TNR: variants seen among roughly 807,000 people sequenced by gnomAD.
TNR encodes tenascin R, also known as tenascin-R.
Under a neutral mutation model 150.4 loss-of-function variants are expected in TNR, and 45 were observed. The observed-to-expected ratio is 0.30, with a 90% CI of 0.24 to 0.38. The LOEUF is 0.38. TNR is among the 10% of genes least tolerant of loss of function. The pLI is 1.00. For synonymous variants in TNR, 687 were observed against 678.4 expected, an observed-to-expected ratio of 1.01 and a Z score of -0.20; for missense variants, 1,544 against 1,759.1, an observed-to-expected ratio of 0.88 and a Z score of 2.19.
At chr1:175,445,201 C>T (rs565389177) in intron 2 of TNR, among the ~76,000 whole-genome samples, 7 of 152,062 alleles carry the variant, frequency 4.6e-5, no homozygotes, top group East Asian at 1.9e-4. Context: ...ACCTGGGAGG[C>T]GGAGGTTGCA....
At chr1:175,521,947 C>T (rs1659656150) in intron 2 of TNR, among the ~76,000 whole-genome samples, 1 of 152,134 alleles carries the variant, frequency 6.6e-6, no homozygotes, top group Non-Finnish European at 1.5e-5. Flanking sequence ...ATTCTTAGCC[C>T]CTGGAGTGCA....
intron 18 of TNR, among the ~76,000 whole-genome samples, chr1:175,345,066 C>A (rs1037412105): frequency 5.5e-4 from 83 of 151,810 alleles, no homozygotes; most frequent in Admixed American, 5.4e-3. Context: ...CGAGATCAAG[C>A]CACTGCACTC....
chr1:175,428,086 T>C (rs966657727), intron 2 of TNR, among the ~76,000 whole-genome samples: 6 of 152,230 alleles, frequency 3.9e-5, no homozygotes, highest in African/African-American at 1.2e-4. Flanking sequence ...GACATTCTAC[T>C]TCTTTAAGTA....
In TNR at chr1:175,539,551, G is replaced by A. The variant is rs530654970; in HGVS notation, c.-164-11182C>T. On this transcript the variant is annotated intron_variant, in intron 1 of 22. Transcript: ENST00000367674. ...AAAAACAGTTGCACTGAGACCTGCTGGCTCTGGAAGGTCTCATGACCTAGG... is the reference window on the plus strand; with the variant it reads ...AAAAACAGTTGCACTGAGACCTGCTAGCTCTGGAAGGTCTCATGACCTAGG... Among the ~76,000 whole-genome samples, 38 of 152,318 alleles carry A rather than the reference G, an allele frequency of 2.5e-4. 1 individual carries two copies. The South Asian group carries it at 7.7e-3, about 31-fold the overall frequency.
rs375494839 is a variant in TNR at position 175,406,353 on chromosome 1, G to C, written c.362C>G (p.Pro121Arg). 2 of 1,614,122 alleles carry C rather than the reference G, an allele frequency of 1.2e-6. No individual in the cohort carries two copies. The highest frequency in any genetic ancestry group is 2.2e-5 in the South Asian group (2 of 91,070). ...QVTFTHRINF[P>R]KKACPCASSA... ...ACTGGCACATGGACAGGCCTTTTTG[G>C]GGAAGTTGATCCTGTGTGTAAAGGT... Residue 121 changes from proline to arginine, a missense_variant, in exon 3 of 23, where the codon CCC becomes CGC. Physicochemically the swap from Pro to Arg is moderately radical, Grantham distance 103. This residue lies in a region of TNR where 1,254 missense variants were observed against 1,329.4 expected (regional missense o/e 0.94). Transcript: ENST00000367674.
At chr1:175,456,307 T>G (rs544967887) in intron 2 of TNR, among the ~76,000 whole-genome samples, 1 of 152,368 alleles carries the variant, frequency 6.6e-6, no homozygotes, top group South Asian at 2.1e-4. Flanking sequence ...TAAAGCGGAC[T>G]CTTCCCATAG....
intron 1 of TNR, among the ~76,000 whole-genome samples, chr1:175,686,248 C>T (rs891821921): frequency 2.6e-5 from 4 of 152,208 alleles, no homozygotes; most frequent in Admixed American, 6.5e-5. Flanking sequence ...AGTTCATTTC[C>T]TGATAAAACT....
At chr1:175,569,276 A>G (rs1661767730) in intron 1 of TNR, among the ~76,000 whole-genome samples, 1 of 152,190 alleles carries the variant, frequency 6.6e-6, no homozygotes, top group African/African-American at 2.4e-5. Context: ...GCGCTTCAAG[A>G]GTGCTCTCCA....
intron 21 of TNR, among the ~76,000 whole-genome samples, chr1:175,327,446 C>T (rs987632727): frequency 9.9e-5 from 15 of 152,220 alleles, no homozygotes; most frequent in Non-Finnish European, 1.5e-4. Context: ...CTATGTTCTT[C>T]GCTCGGACTT....
chr1:175,396,718 C>T lies in TNR; in HGVS notation c.1066G>A (p.Val356Met), dbSNP rs1653445216. ...WDGPMAVTEY[V>M]ISYQPTALGG... Reference sequence around the variant, plus strand: ...AGGGCCGTCGGCTGGTAAGAGATCACATATTCCGTCACTGCCATCGGCCCG... The same window carrying T: ...AGGGCCGTCGGCTGGTAAGAGATCATATATTCCGTCACTGCCATCGGCCCG... Residue 356 changes from valine to methionine, a missense_variant, in exon 5 of 23, where the codon GTG becomes ATG. Transcript: ENST00000367674. 1 of 1,614,244 alleles carries T rather than the reference C, an allele frequency of 6.2e-7. No homozygotes were observed. The highest frequency in any genetic ancestry group is 8.5e-7 in the Non-Finnish European group (1 of 1,180,044).
At chr1:175,644,358 T>G (rs1246854571) in intron 1 of TNR, among the ~76,000 whole-genome samples, 1 of 152,206 alleles carries the variant, frequency 6.6e-6, no homozygotes, top group African/African-American at 2.4e-5. Context: ...TTCTCTATCC[T>G]TGATGTGAGC....
intron 20 of TNR, among the ~76,000 whole-genome samples, chr1:175,331,087 T>TTCTC (rs1649841467): frequency 7.0e-5 from 8 of 113,498 alleles, no homozygotes; most frequent in African/African-American, 2.3e-4. Flanking sequence ...CCTTCTTTCT[T>TTCTC]TCTTTCTTTC....
intron 1 of TNR, among the ~76,000 whole-genome samples, chr1:175,646,889 T>C (rs1328897087): frequency 6.6e-6 from 1 of 152,240 alleles, no homozygotes; most frequent in East Asian, 1.9e-4. Flanking sequence ...AATACTCACA[T>C]TTTGGGATCC....
At chr1:175,653,898 T>A (rs2861316) in intron 1 of TNR, among the ~76,000 whole-genome samples, 88,578 of 152,086 alleles carry the variant, frequency 0.58, 26,283 homozygotes, top group East Asian at 0.73. Context: ...AATTATATAC[T>A]ATTTCCAAGC....
At chr1:175,567,059 T>C (rs1321188998) in intron 1 of TNR, among the ~76,000 whole-genome samples, 1 of 152,186 alleles carries the variant, frequency 6.6e-6, no homozygotes, top group Non-Finnish European at 1.5e-5. Context: ...AGTTGCATTT[T>C]TAAAAATGAT....
Position 175,396,819 on chromosome 1 carries a change from C to T in TNR, c.977-12G>A. ...CTCTGGAGGGGCAACTACCGGGAGG[C>T]AATACACAGATAGCATGAGCTCAGA... On this transcript the variant is annotated splice_polypyrimidine_tract_variant and intron_variant, in intron 4 of 22. Coordinates refer to ENST00000367674, the MANE Select transcript of TNR (RefSeq NM_003285.3). 1 of 1,608,998 alleles carries T rather than the reference C, an allele frequency of 6.2e-7. No individual in the cohort carries two copies. The highest frequency in any genetic ancestry group is 8.5e-7 in the Non-Finnish European group (1 of 1,176,208).
At chr1:175,710,657 C>G (rs1033113552) in intron 1 of TNR, among the ~76,000 whole-genome samples, 14 of 152,110 alleles carry the variant, frequency 9.2e-5, no homozygotes, top group African/African-American at 2.9e-4. Flanking sequence ...TCAATCTGTC[C>G]CCCTTTCCTT....
chr1:175,545,171 GC>G (rs1660637715), intron 1 of TNR, among the ~76,000 whole-genome samples: 1 of 152,180 alleles, frequency 6.6e-6, no homozygotes, highest in South Asian at 2.1e-4. Context: ...AAAGAATAAT[GC>G]CTCAGAAAAG....
chr1:175,576,897 T>C (rs1427134636), intron 1 of TNR, among the ~76,000 whole-genome samples: 1 of 152,190 alleles, frequency 6.6e-6, no homozygotes, highest in Non-Finnish European at 1.5e-5. Flanking sequence ...ATTTCTCTAC[T>C]CTGTGTATGA....
Sources: gnomAD v4.1 joint callset for allele counts (sites outside exome capture counted in the v4.1 genomes callset) on GRCh38, gnomAD v4.1.1 for gene constraint, gnomAD v4.1.1 regional missense constraint, MANE v1.5 for transcripts, NCBI Gene and HGNC (gene_info 2026-07-23, HGNC 2026-07-21) for gene names.